The following NUMB variants were observed in gnomAD, a reference collection of about 807,000 sequenced individuals.
The protein encoded by NUMB is protein numb homolog.
A neutral mutation model predicts 59.7 loss-of-function variants in NUMB; 29 were observed. That is an observed-to-expected ratio of 0.49 (90% CI 0.36 to 0.66). The LOEUF is 0.66. Among genes scored for constraint, NUMB ranks in the 30% least tolerant of loss-of-function variants. The pLI, the probability that NUMB is intolerant of heterozygous loss-of-function variation, is 0.00. For synonymous variants in NUMB, 288 were observed against 288.2 expected (o/e 1.00, Z 0.01); for missense variants, 723 against 822.0 (o/e 0.88, Z 1.47).
At chr14:73,442,440 C>T (rs1883133054) in intron 1 of NUMB, among the ~76,000 whole-genome samples, 2 of 151,994 alleles carry the variant, frequency 1.3e-5, no homozygotes, top group Non-Finnish European at 1.5e-5. Context: ...AACACATGTC[C>T]ACACAAAAAC....
chr14:73,405,433 CTCTTTTTTT>C (rs1896611257), intron 2 of NUMB, among the ~76,000 whole-genome samples: 2 of 115,182 alleles, frequency 1.7e-5, no homozygotes, highest in Non-Finnish European at 1.9e-5. Context: ...TTTTTTCTTT[CTCTTTTTTT>C]TTTTTTTTTT....
At chr14:73,414,837 A>G (rs919565872) in intron 1 of NUMB, among the ~76,000 whole-genome samples, 3 of 151,862 alleles carry the variant, frequency 2.0e-5, no homozygotes, top group African/African-American at 7.3e-5. Context: ...CTCCTGCCTC[A>G]GCCTCCCGAG....
chr14:73,390,359 T>A (rs1471820400), intron 2 of NUMB, among the ~76,000 whole-genome samples: 1 of 152,220 alleles, frequency 6.6e-6, no homozygotes, highest in African/African-American at 2.4e-5. Context: ...TCCAAAGTTA[T>A]CATTGGTTTG....
At chr14:73,352,506 ATATATATATATATATATATATATGT>A (rs1893418814) in intron 4 of NUMB, among the ~76,000 whole-genome samples, 3 of 12,486 alleles carry the variant, frequency 2.4e-4, no homozygotes, top group Non-Finnish European at 3.7e-4. Context: ...ATATATATAT[ATATATATATATATATATATATATGT>A]TTTTTTTTTT....
intron 1 of NUMB, among the ~76,000 whole-genome samples, chr14:73,425,097 C>T (rs1897523733): frequency 6.6e-6 from 1 of 152,178 alleles, no homozygotes; most frequent in South Asian, 2.1e-4. Context: ...TGTTACACCC[C>T]TTTTTCCTGA....
intron 2 of NUMB, among the ~76,000 whole-genome samples, chr14:73,378,145 C>G (rs1895060092): frequency 6.6e-6 from 1 of 152,002 alleles, no homozygotes; most frequent in Admixed American, 6.6e-5. Context: ...GGTAAATAAG[C>G]ATATGAAAAG....
At chr14:73,370,632 C>T (rs1439630927) in intron 2 of NUMB, among the ~76,000 whole-genome samples, 4 of 151,464 alleles carry the variant, frequency 2.6e-5, no homozygotes, top group Non-Finnish European at 5.9e-5. Flanking sequence ...GCGGAGGTTG[C>T]GATGAGCCGA....
chr14:73,335,266 T>C (rs537918202), intron 4 of NUMB, among the ~76,000 whole-genome samples: 7 of 134,360 alleles, frequency 5.2e-5, no homozygotes, highest in South Asian at 2.3e-4. Flanking sequence ...ATCAGTTCAA[T>C]TGGTCACATA....
At chr14:73,352,477 C>CATATATAT (rs1170959840) in intron 4 of NUMB, among the ~76,000 whole-genome samples, 3 of 12,692 alleles carry the variant, frequency 2.4e-4, no homozygotes, top group Non-Finnish European at 3.3e-4. Flanking sequence ...CACACACACA[C>CATATATAT]ATATATATAT....
At chr14:73,313,965 G>A (rs1890936107) in intron 6 of NUMB, among the ~76,000 whole-genome samples, 1 of 152,064 alleles carries the variant, frequency 6.6e-6, no homozygotes, top group South Asian at 2.1e-4. Context: ...CACATGCCGA[G>A]GCGGGCAGAT....
chr14:73,355,611 A>C lies in NUMB; in HGVS notation c.126+15T>G. On this transcript the variant is annotated intron_variant, in intron 4 of 12. Coordinates refer to ENST00000555238, the MANE Select transcript of NUMB (RefSeq NM_001005743.2). ...TCTTTTCCACATACAGACTTATAGA[A>C]ACATCAGCTCTTACCTTAACCGGGA... is the stretch of plus-strand genomic sequence containing the variant. 6.2e-7 allele frequency: 1 copy of C among 1,607,076 alleles called. No individual in the cohort carries two copies. The highest frequency in any genetic ancestry group is 8.5e-7 in the Non-Finnish European group (1 of 1,177,922).
intron 5 of NUMB, among the ~76,000 whole-genome samples, chr14:73,319,300 C>A (rs1557932): frequency 0.8 from 121,174 of 152,212 alleles, 48,837 homozygotes; most frequent in African/African-American, 0.93. Context: ...AGAAATATTA[C>A]ATTTTTAGTT....
intron 4 of NUMB, among the ~76,000 whole-genome samples, chr14:73,340,087 T>G (rs1437921407): frequency 1.3e-5 from 2 of 152,246 alleles, no homozygotes; most frequent in African/African-American, 4.8e-5. Context: ...TCTGGCCATT[T>G]GAGGCCAAAT....
chr14:73,399,907 G>T (rs994166982), intron 2 of NUMB, among the ~76,000 whole-genome samples: 1 of 151,604 alleles, frequency 6.6e-6, no homozygotes, highest in Non-Finnish European at 1.5e-5. Context: ...GCTGGATGTC[G>T]TGGCATCTGT....
intron 6 of NUMB, among the ~76,000 whole-genome samples, chr14:73,314,833 A>C (rs1175507111): frequency 1.3e-5 from 2 of 152,058 alleles, no homozygotes; most frequent in African/African-American, 4.8e-5. Context: ...TTGCTTTCGG[A>C]AACTCTGTTT....
At chr14:73,373,920 G>A (rs1407518405) in intron 2 of NUMB, among the ~76,000 whole-genome samples, 2 of 151,978 alleles carry the variant, frequency 1.3e-5, no homozygotes, top group Non-Finnish European at 2.9e-5. Context: ...CCAGGCTGGA[G>A]TGCAACAGTG....
At chr14:73,311,360 A>G (rs1403470991) in intron 6 of NUMB, among the ~76,000 whole-genome samples, 1 of 152,138 alleles carries the variant, frequency 6.6e-6, no homozygotes, top group Admixed American at 6.6e-5. Flanking sequence ...GGCCACGGCA[A>G]TGAGCAATTT....
At chr14:73,348,448 A>G (rs1893024347) in intron 4 of NUMB, among the ~76,000 whole-genome samples, 1 of 152,238 alleles carries the variant, frequency 6.6e-6, no homozygotes, top group East Asian at 1.9e-4. Context: ...GTGGCCTTTT[A>G]GGAAATGGGC....
chr14:73,317,803 A>G (rs1211317482), intron 5 of NUMB, among the ~76,000 whole-genome samples: 1 of 152,222 alleles, frequency 6.6e-6, no homozygotes, highest in African/African-American at 2.4e-5. Context: ...GCTAGATTTA[A>G]CTTTACATTT....
Sources: allele counts gnomAD v4.1 joint callset (sites outside exome capture counted in the v4.1 genomes callset), GRCh38; gene constraint gnomAD v4.1.1; transcripts MANE v1.5; gene names NCBI Gene and HGNC (gene_info 2026-07-23, HGNC 2026-07-21).